Variants in PIK3AP1 observed in about 807,000 individuals in gnomAD.
The protein encoded by PIK3AP1 is phosphoinositide 3-kinase adapter protein 1.
PIK3AP1 carries 21 observed loss-of-function variants against 88.1 expected under a neutral mutation model. The observed-to-expected ratio is 0.24, with a 90% CI of 0.17 to 0.34. The LOEUF (loss-of-function observed/expected upper bound fraction) is 0.34. PIK3AP1 is among the 10% of genes least tolerant of loss of function. The pLI is 1.00. For synonymous variants in PIK3AP1, 398 were observed against 400.0 expected (o/e 1.00, Z 0.06); for missense variants, 828 against 1,035.7 (o/e 0.80, Z 2.75).
In PIK3AP1 at chr10:96,720,108, G is replaced by C. The variant is rs1303210154; in HGVS notation, c.13+274C>G. Among the ~76,000 whole-genome samples, 1 of 152,200 alleles carries C rather than the reference G, an allele frequency of 6.6e-6. No homozygotes were observed. The highest frequency in any genetic ancestry group is 6.5e-5 in the Admixed American group (1 of 15,280). ...GGAAGCGACGCTCAGACACTCCTAGGGCCAGAGGTGGAGGGAGCGAAGGAG... is the reference window on the plus strand; with the variant it reads ...GGAAGCGACGCTCAGACACTCCTAGCGCCAGAGGTGGAGGGAGCGAAGGAG... On this transcript the variant is annotated intron_variant, in intron 1 of 16. Transcript: ENST00000339364. The surrounding 1 kb of genome is among the most constrained non-coding windows in gnomAD (Gnocchi z 4.6).
At chr10:96,691,245 G>A (rs796502508) in intron 2 of PIK3AP1, among the ~76,000 whole-genome samples, 6 of 152,014 alleles carry the variant, frequency 3.9e-5, no homozygotes, top group East Asian at 3.8e-4. Context: ...CCCACCTCCC[G>A]CAAACAGCAA....
chr10:96,648,580 T>C (rs1843492052), intron 7 of PIK3AP1, 79 bp downstream of exon 7: 1 of 1,414,008 alleles, frequency 7.1e-7, no homozygotes, highest in South Asian at 1.4e-5. Context: ...ATAAAATCTG[T>C]TCGTATTTTG....
intron 2 of PIK3AP1, among the ~76,000 whole-genome samples, chr10:96,679,527 CAA>C (rs767346365): frequency 7.4e-6 from 1 of 134,820 alleles, no homozygotes; most frequent in Non-Finnish European, 1.6e-5. Context: ...GACTCCGTCT[CAA>C]AAAAAAAAAA....
intron 2 of PIK3AP1, among the ~76,000 whole-genome samples, chr10:96,659,984 T>C (rs1157791344): frequency 6.6e-6 from 1 of 151,980 alleles, no homozygotes; most frequent in Non-Finnish European, 1.5e-5. Flanking sequence ...AGTAAAGTTT[T>C]AAAAAATAAT....
At chr10:96,621,489 T>C (rs1843082984) in intron 11 of PIK3AP1, 1 of 152,376 alleles carries the variant, frequency 6.6e-6, no homozygotes, top group African/African-American at 2.4e-5. Flanking sequence ...AAGACAGCTC[T>C]CCCAGGACTT....
At chr10:96,698,761 AT>A (rs1844254695) in intron 2 of PIK3AP1, among the ~76,000 whole-genome samples, 1 of 152,094 alleles carries the variant, frequency 6.6e-6, no homozygotes, top group Non-Finnish European at 1.5e-5. Context: ...AATAAGTAAA[AT>A]AAATAAAGCA....
At chr10:96,658,063 C>CAAAAAAAAA (rs10706863) in intron 2 of PIK3AP1, among the ~76,000 whole-genome samples, 10 of 113,916 alleles carry the variant, frequency 8.8e-5, no homozygotes, top group African/African-American at 3.2e-4. Context: ...AACTCCATCT[C>CAAAAAAAAA]AAAAAAAAAA....
rs182214456 is a variant in PIK3AP1 at position 96,707,535 on chromosome 10, C to T, written c.430+2032G>A. Among the ~76,000 whole-genome samples the T allele has an allele frequency of 1.9e-3, 289 of 152,166 alleles. 2 individuals carry two copies. Among genetic ancestry groups the T allele is most frequent in the African/African-American group, 6.8e-3 (281 of 41,514 alleles). On this transcript the variant is annotated intron_variant, in intron 2 of 16. Coordinates refer to ENST00000339364, the MANE Select transcript of PIK3AP1 (RefSeq NM_152309.3). ...GTCTCTAACTCCTGACCTCATGATC[C>T]GCCCGCCTCGGCCTCCCAAAGTGCT...
intron 2 of PIK3AP1, among the ~76,000 whole-genome samples, chr10:96,671,509 A>G (rs1056369639): frequency 7.2e-5 from 11 of 151,784 alleles, no homozygotes; most frequent in Admixed American, 7.2e-4. Context: ...AAAGTCACAT[A>G]CAGTCATCAT....
chr10:96,616,258 T>C (rs1849213830), intron 13 of PIK3AP1, among the ~76,000 whole-genome samples: 2 of 152,140 alleles, frequency 1.3e-5, no homozygotes. Context: ...GAATCAGAAA[T>C]AGACACTGGG....
chr10:96,662,829 C>A (rs1163059277), intron 2 of PIK3AP1, among the ~76,000 whole-genome samples: 1 of 129,580 alleles, frequency 7.7e-6, no homozygotes, highest in African/African-American at 3.0e-5. Flanking sequence ...TTGCAGTGAG[C>A]CGAGATTGCG....
chr10:96,616,921 C>G (rs563779400), intron 12 of PIK3AP1, among the ~76,000 whole-genome samples: 1 of 152,294 alleles, frequency 6.6e-6, no homozygotes, highest in East Asian at 1.9e-4. Context: ...GACATCTCTT[C>G]CACAAGAAAG....
chr10:96,595,652 G>C lies in PIK3AP1; in HGVS notation c.2361-18C>G. On this transcript the variant is annotated intron_variant, in intron 16 of 16. Transcript: ENST00000339364. ...TCGGAGGCCTAAAATGAAAGATAAG[G>C]CAACTCTATTTAAAAACTAATTTGA... 4.3e-6 allele frequency: 7 copies of C among 1,611,510 alleles called. No homozygotes were observed. Among genetic ancestry groups the C allele is most frequent in the Non-Finnish European group, 5.9e-6 (7 of 1,178,584 alleles).
At chr10:96,602,452 T>G in intron 15 of PIK3AP1, 54 bp from the exon 16 acceptor site, 1 of 1,455,880 alleles carries the variant, frequency 6.9e-7, no homozygotes, top group Non-Finnish European at 9.6e-7. Context: ...GCAACCAGCA[T>G]AGCTGGACAA....
intron 2 of PIK3AP1, among the ~76,000 whole-genome samples, chr10:96,690,282 A>G (rs1418473881): frequency 2.6e-5 from 4 of 151,812 alleles, no homozygotes; most frequent in Non-Finnish European, 4.4e-5. Context: ...ACCCCACCCC[A>G]AGTCTCGCTC....
intron 2 of PIK3AP1, among the ~76,000 whole-genome samples, chr10:96,696,602 T>C (rs1171316890): frequency 6.6e-6 from 1 of 152,206 alleles, no homozygotes; most frequent in Non-Finnish European, 1.5e-5. Flanking sequence ...GTAATGCATA[T>C]TTACCCCCAT....
intron 11 of PIK3AP1, among the ~76,000 whole-genome samples, chr10:96,622,350 C>T (rs559769068): frequency 3.9e-5 from 6 of 152,298 alleles, no homozygotes; most frequent in African/African-American, 4.8e-5. Context: ...CTACTCGCAG[C>T]GACCATGGGG....
At chr10:96,599,162 GAC>G (rs765106835) in intron 16 of PIK3AP1, among the ~76,000 whole-genome samples, 51 of 152,228 alleles carry the variant, frequency 3.4e-4, no homozygotes, top group African/African-American at 8.7e-4. Context: ...AGAGCATGAA[GAC>G]ACACTGGATA....
chr10:96,698,042 A>T (rs1844245337), intron 2 of PIK3AP1, among the ~76,000 whole-genome samples: 1 of 152,202 alleles, frequency 6.6e-6, no homozygotes, highest in South Asian at 2.1e-4. Context: ...ATGGTATTCC[A>T]TTGCATAGAT....
Sources: allele counts gnomAD v4.1 joint callset (sites outside exome capture counted in the v4.1 genomes callset), GRCh38; gene constraint gnomAD v4.1.1; non-coding constraint Gnocchi (gnomAD v3.1); transcripts MANE v1.5; gene names NCBI Gene and HGNC (gene_info 2026-07-23, HGNC 2026-07-21).